The following SDK1 variants were observed in gnomAD, a reference collection of about 807,000 sequenced individuals.
SDK1 encodes sidekick cell adhesion molecule 1.
Under a neutral mutation model 245.5 loss-of-function variants are expected in SDK1, and 157 were observed. The observed-to-expected ratio is 0.64, with a 90% CI of 0.56 to 0.73. The LOEUF (loss-of-function observed/expected upper bound fraction) is 0.73. Among genes scored for constraint, SDK1 ranks in the 30% least tolerant of loss-of-function variants. The pLI, the probability that SDK1 is intolerant of heterozygous loss-of-function variation, is 0.00. For synonymous variants in SDK1, 1,647 were observed against 1,278.5 expected, an observed-to-expected ratio of 1.29 and a Z score of -6.15; for missense variants, 3,583 against 3,002.3, an observed-to-expected ratio of 1.19 and a Z score of -4.52.
chr7:3,408,151 C>G (rs1398575121), intron 1 of SDK1, among the ~76,000 whole-genome samples: 1 of 152,046 alleles, frequency 6.6e-6, no homozygotes, highest in Non-Finnish European at 1.5e-5. Flanking sequence ...AATTCTTGTG[C>G]CTCAGTCTCC....
At chr7:4,114,791 C>T (rs1183657693) in intron 25 of SDK1, among the ~76,000 whole-genome samples, 1 of 152,152 alleles carries the variant, frequency 6.6e-6, no homozygotes, top group African/African-American at 2.4e-5. Flanking sequence ...TTCAGGGACC[C>T]AGGCTTTACC....
intron 4 of SDK1, among the ~76,000 whole-genome samples, chr7:3,807,299 C>G (rs1779275481): frequency 6.6e-6 from 1 of 152,272 alleles, no homozygotes; most frequent in South Asian, 2.1e-4. Context: ...TAGGAGGGTT[C>G]TATCAGGATA....
In SDK1 at chr7:3,694,103, G is replaced by C. The variant is rs7789049; in HGVS notation, c.713+51998G>C. 1.2e-4 allele frequency among the ~76,000 whole-genome samples: 19 copies of C among 152,208 alleles called. No individual in the cohort carries two copies. The East Asian group carries it at 3.3e-3, about 26-fold the overall frequency. ...ACCTGTCTTGCCCAAAAGTGTGCCC[G>C]ATTGGAAGGCAAATTGTAAAAGACT... On this transcript the variant is annotated intron_variant, in intron 4 of 44. Coordinates refer to ENST00000404826, the MANE Select transcript of SDK1 (RefSeq NM_152744.4).
intron 1 of SDK1, among the ~76,000 whole-genome samples, chr7:3,370,073 T>A (rs562057830): frequency 6.6e-6 from 1 of 152,336 alleles, no homozygotes; most frequent in South Asian, 2.1e-4. Context: ...TAATAAATAG[T>A]ATGAACATCG....
intron 1 of SDK1, chr7:3,338,269 C>T (rs1036490662): frequency 6.7e-6 from 3 of 445,884 alleles, no homozygotes; most frequent in African/African-American, 2.0e-5. Context: ...GGGTACTGTT[C>T]AGAAAGGAAG....
At chr7:3,672,155 A>G (rs1428586635) in intron 4 of SDK1, among the ~76,000 whole-genome samples, 2 of 152,078 alleles carry the variant, frequency 1.3e-5, no homozygotes, top group East Asian at 3.9e-4. Context: ...CATTGGTCTA[A>G]CCTGAAGGAC....
chr7:3,574,521 C>T (rs1357654559), intron 1 of SDK1, among the ~76,000 whole-genome samples: 2 of 152,014 alleles, frequency 1.3e-5, no homozygotes, highest in African/African-American at 4.8e-5. Flanking sequence ...ATGCTTGTTG[C>T]TGAAGTATAT....
At chr7:3,908,182 A>C (rs1779024564) in intron 5 of SDK1, among the ~76,000 whole-genome samples, 1 of 152,216 alleles carries the variant, frequency 6.6e-6, no homozygotes, top group Non-Finnish European at 1.5e-5. Flanking sequence ...AGGAAAGCAC[A>C]GAATGGGCCG....
At chr7:3,328,059 C>T (rs548707261) in intron 1 of SDK1, among the ~76,000 whole-genome samples, 1 of 152,038 alleles carries the variant, frequency 6.6e-6, no homozygotes, top group Non-Finnish European at 1.5e-5. Flanking sequence ...ATAGAACTGC[C>T]TAAAAATAAC....
At position 4,017,183 on chromosome 7, in the gene SDK1, T is replaced by C; in HGVS notation, c.2433T>C (p.Ala811=). 1.9e-6 allele frequency: 3 copies of C among 1,611,484 alleles called. No homozygotes were observed. Among genetic ancestry groups the C allele is most frequent in the Non-Finnish European group, 2.5e-6 (3 of 1,178,736 alleles). ...CTTCGTGGCGCAGGTACCGCCTGGC[T>C]GGCCTTCCCGGAGAGTACCAGCAGC... ...LRGYILRYRL[A]GLPGEYQQRN... Residue 811 remains alanine, a synonymous_variant, in exon 17 of 45, where the codon GCT becomes GCC. Coordinates refer to ENST00000404826, the MANE Select transcript of SDK1 (RefSeq NM_152744.4).
intron 4 of SDK1, among the ~76,000 whole-genome samples, chr7:3,754,660 C>G (rs182467748): frequency 1.9e-4 from 26 of 137,046 alleles, no homozygotes; most frequent in South Asian, 6.8e-4. Context: ...AACAGCATGA[C>G]GTGGTTTCTA....
intron 1 of SDK1, among the ~76,000 whole-genome samples, chr7:3,321,778 CTCCTTCCTTCCTTCCTTCCT>C (rs1186428883): frequency 1.0e-3 from 52 of 50,376 alleles, no homozygotes; most frequent in African/African-American, 2.3e-3. Flanking sequence ...TTCCTTCCTT[CTCCTTCCTTCCTTCCTTCCT>C]TCCTTCCTTC....
At chr7:3,982,856 ATGTT>A (rs1398773799) in intron 13 of SDK1, among the ~76,000 whole-genome samples, 2 of 152,080 alleles carry the variant, frequency 1.3e-5, no homozygotes, top group African/African-American at 4.8e-5. Flanking sequence ...AAAAAAAAGA[ATGTT>A]TGTGATTCAT....
intron 13 of SDK1, among the ~76,000 whole-genome samples, chr7:3,980,525 A>G (rs1018595179): frequency 5.9e-5 from 9 of 152,360 alleles, no homozygotes; most frequent in African/African-American, 9.6e-5. Flanking sequence ...GACGCAATCT[A>G]TCCCCATTAG....
chr7:3,627,797 G>A (rs1337311677), intron 2 of SDK1, among the ~76,000 whole-genome samples: 1 of 152,150 alleles, frequency 6.6e-6, no homozygotes, highest in Non-Finnish European at 1.5e-5. Flanking sequence ...ATCGATGAGT[G>A]CCTTATCTGA....
intron 1 of SDK1, among the ~76,000 whole-genome samples, chr7:3,551,188 G>C (rs986988241): frequency 1.3e-5 from 2 of 152,088 alleles, no homozygotes; most frequent in Non-Finnish European, 2.9e-5. Context: ...CACCGGGGGT[G>C]GGGGGCCCAA....
In SDK1 at chr7:4,208,085, G is replaced by T. The variant is rs200879864; in HGVS notation, c.5215-14G>T. On this transcript the variant is annotated splice_polypyrimidine_tract_variant and intron_variant, in intron 36 of 44. Transcript: ENST00000404826. The stretch of plus-strand genomic sequence containing the variant: ...TCCCCAGGACCCACCCCAACCTCTT[G>T]CTGTTCCTAACAGATTTACTACTGG... The T allele has an allele frequency of 4.9e-5, 78 of 1,602,816 alleles. No homozygotes were observed. Among genetic ancestry groups the T allele is most frequent in the Non-Finnish European group, 6.1e-5 (72 of 1,173,434 alleles).
chr7:3,352,411 T>A (rs953894874), intron 1 of SDK1, among the ~76,000 whole-genome samples: 10 of 152,114 alleles, frequency 6.6e-5, no homozygotes, highest in Non-Finnish European at 1.5e-4. Flanking sequence ...TTCCTGCTGG[T>A]AGCAGGGAGG....
intron 44 of SDK1, among the ~76,000 whole-genome samples, chr7:4,258,308 C>T (rs903087152): frequency 3.9e-5 from 6 of 152,156 alleles, no homozygotes; most frequent in East Asian, 1.9e-4. Context: ...CCAGTGTGAA[C>T]CCTGCTTCCC....
Sources: allele counts gnomAD v4.1 joint callset (sites outside exome capture counted in the v4.1 genomes callset), GRCh38; gene constraint gnomAD v4.1.1; transcripts MANE v1.5; gene names NCBI Gene and HGNC (gene_info 2026-07-23, HGNC 2026-07-21).